Variants in DLG2 observed in about 807,000 individuals in gnomAD.
The protein encoded by DLG2 is disks large homolog 2.
A neutral mutation model predicts 132.5 loss-of-function variants in DLG2; 45 were observed. The observed-to-expected ratio is 0.34, with a 90% confidence interval of 0.27 to 0.44. The LOEUF is 0.44. DLG2 is among the 20% of genes least tolerant of loss of function. DLG2 has a pLI of 1.00. For synonymous variants in DLG2, 424 were observed against 419.6 expected (o/e 1.01, Z -0.13); for missense variants, 1,045 against 1,196.9 (o/e 0.87, Z 1.87).
intron 18 of DLG2, among the ~76,000 whole-genome samples, chr11:83,758,599 C>T (rs2093756945): frequency 6.6e-6 from 1 of 152,068 alleles, no homozygotes; most frequent in South Asian, 2.1e-4. Flanking sequence ...TGCCAAGTCT[C>T]AGTGTCCTAA....
intron 6 of DLG2, among the ~76,000 whole-genome samples, chr11:85,060,986 T>G (rs934543262): frequency 1.3e-5 from 2 of 151,802 alleles, no homozygotes; most frequent in African/African-American, 2.4e-5. Flanking sequence ...TCGCTGATGG[T>G]TAGTGATGTT....
At chr11:83,940,334 C>G (rs1247564553) in intron 14 of DLG2, among the ~76,000 whole-genome samples, 1 of 152,174 alleles carries the variant, frequency 6.6e-6, no homozygotes, top group African/African-American at 2.4e-5. Flanking sequence ...ATGATTGCCA[C>G]TTGGTTTTGT....
At chr11:85,421,532 T>C (rs994555188) in intron 3 of DLG2, among the ~76,000 whole-genome samples, 4 of 151,902 alleles carry the variant, frequency 2.6e-5, no homozygotes, top group African/African-American at 7.3e-5. Context: ...TTCACCCGTT[T>C]ACCTTAGGTT....
At chr11:84,502,274 CCTTCCTT>C (rs2099215645) in intron 7 of DLG2, among the ~76,000 whole-genome samples, 1 of 52,298 alleles carries the variant, frequency 1.9e-5, no homozygotes, top group Non-Finnish European at 3.3e-5. Flanking sequence ...TTCCTTCCTT[CCTTCCTT>C]CTTTCTTTCT....
At position 85,557,682 on chromosome 11, in the gene DLG2, T is replaced by C. The variant is rs541236042; in HGVS notation, c.40+40975A>G. ...TGCAGCCTTCTGATCTTTGACAAAG[T>C]CCAGCAAAAACAAGCAATGGAGAAA... On this transcript the variant is annotated intron_variant, in intron 3 of 27. Coordinates refer to ENST00000376104, the MANE Select transcript of DLG2 (RefSeq NM_001142699.3). Among the ~76,000 whole-genome samples the C allele has an allele frequency of 2.0e-5, 3 of 151,824 alleles. No homozygotes were observed. In the South Asian group the frequency reaches 6.2e-4, roughly 32 times the overall value.
intron 3 of DLG2, among the ~76,000 whole-genome samples, chr11:85,401,843 A>G (rs1459328658): frequency 6.6e-6 from 1 of 152,194 alleles, no homozygotes; most frequent in Non-Finnish European, 1.5e-5. Context: ...ATAAAAGAGG[A>G]CACAAAAAAA....
At chr11:84,184,923 C>T (rs1051537195) in intron 8 of DLG2, among the ~76,000 whole-genome samples, 4 of 151,982 alleles carry the variant, frequency 2.6e-5, no homozygotes, top group African/African-American at 9.7e-5. Context: ...CTGTTCCATT[C>T]GTCTATATCT....
intron 7 of DLG2, among the ~76,000 whole-genome samples, chr11:84,307,695 C>CAAAAAAAAAAAA (rs1222486667): frequency 0.018 from 1,391 of 77,822 alleles, 122 homozygotes; most frequent in African/African-American, 0.072. Context: ...GACGCAGTCT[C>CAAAAAAAAAAAA]AAAAAAAAAA....
At chr11:83,748,523 A>T (rs528477893) in intron 18 of DLG2, among the ~76,000 whole-genome samples, 78 of 152,304 alleles carry the variant, frequency 5.1e-4, no homozygotes, top group Non-Finnish European at 5.4e-4. Context: ...TGTTTAGTGA[A>T]GAAGAGAGAT....
At position 84,681,088 on chromosome 11, in the gene DLG2, G is replaced by A. The variant is rs1013921181; in HGVS notation, c.358-146357C>T. Among the ~76,000 whole-genome samples the A allele has an allele frequency of 2.6e-5, 4 of 152,270 alleles. No individual in the cohort carries two copies. The East Asian group carries it at 7.7e-4, about 29-fold the overall frequency. ...TCAAATTATATGACTTCATTGAAAT[G>A]AGTTCTTTTCTATTTATTTCACACA... is the stretch of plus-strand genomic sequence containing the variant. On this transcript the variant is annotated intron_variant, in intron 6 of 27. Coordinates refer to ENST00000376104, the MANE Select transcript of DLG2 (RefSeq NM_001142699.3).
intron 7 of DLG2, among the ~76,000 whole-genome samples, chr11:84,397,750 A>G (rs2098815847): frequency 6.6e-6 from 1 of 152,204 alleles, no homozygotes; most frequent in Admixed American, 6.5e-5. Flanking sequence ...CACCTCACAT[A>G]CTGCTTTTTA....
rs371179276 is a variant in DLG2, at chr11:85,340,120, C to G, written c.41-54755G>C. On this transcript the variant is annotated intron_variant, in intron 3 of 27. Coordinates refer to ENST00000376104, the MANE Select transcript of DLG2 (RefSeq NM_001142699.3). ...TCTAGAACTAGAATTACCATTTGACCCAGCAATCCCATTACTTGGTATATA... is the reference window on the plus strand; with the variant it reads ...TCTAGAACTAGAATTACCATTTGACGCAGCAATCCCATTACTTGGTATATA... Among the ~76,000 whole-genome samples the G allele has an allele frequency of 6.7e-4, 102 of 152,234 alleles. 1 individual carries two copies. Among genetic ancestry groups the G allele is most frequent in the South Asian group, 6.0e-3 (29 of 4,822 alleles).
At chr11:84,825,380 G>A (rs1421354116) in intron 6 of DLG2, among the ~76,000 whole-genome samples, 2 of 151,892 alleles carry the variant, frequency 1.3e-5, no homozygotes, top group East Asian at 3.9e-4. Flanking sequence ...TGCAAGTCAT[G>A]AGGACCTTGG....
chr11:83,797,794 A>G (rs1262977013), intron 17 of DLG2, among the ~76,000 whole-genome samples: 1 of 152,212 alleles, frequency 6.6e-6, no homozygotes, highest in Admixed American at 6.5e-5. Flanking sequence ...CTGGGAATAC[A>G]GGCGTGAGCC....
intron 8 of DLG2, among the ~76,000 whole-genome samples, chr11:84,214,468 T>G (rs866121130): frequency 6.6e-6 from 1 of 151,758 alleles, no homozygotes; most frequent in African/African-American, 2.4e-5. Context: ...TCTGAGTATA[T>G]CTATATGTAT....
intron 9 of DLG2, among the ~76,000 whole-genome samples, chr11:84,110,691 G>A (rs1476198247): frequency 1.3e-5 from 2 of 152,188 alleles, no homozygotes; most frequent in African/African-American, 4.8e-5. Context: ...TAGCCATGCA[G>A]CACTAGGTCA....
chr11:85,392,369 A>C (rs1354765066), intron 3 of DLG2, among the ~76,000 whole-genome samples: 1 of 152,114 alleles, frequency 6.6e-6, no homozygotes, highest in Admixed American at 6.6e-5. Context: ...TGCCAAAAGC[A>C]ATCTATGAAT....
At chr11:84,770,880 C>T (rs2069245511) in intron 6 of DLG2, among the ~76,000 whole-genome samples, 1 of 151,730 alleles carries the variant, frequency 6.6e-6, no homozygotes, top group Admixed American at 6.6e-5. Context: ...ATCTCCTGAC[C>T]CTCGTGATCT....
intron 8 of DLG2, among the ~76,000 whole-genome samples, chr11:84,202,515 C>T (rs2096609464): frequency 2.6e-5 from 4 of 152,220 alleles, no homozygotes; most frequent in Admixed American, 2.0e-4. Context: ...TATAAAAACC[C>T]TAGAAGAAAA....
Sources: gnomAD v4.1 joint callset for allele counts (sites outside exome capture counted in the v4.1 genomes callset) on GRCh38, gnomAD v4.1.1 for gene constraint, MANE v1.5 for transcripts, NCBI Gene and HGNC (gene_info 2026-07-23, HGNC 2026-07-21) for gene names.